Variants in HYDIN observed in about 807,000 individuals in gnomAD.
The protein encoded by HYDIN is axonemal central pair apparatus protein HYDIN.
In HYDIN, 132 loss-of-function variants were observed where a neutral mutation model predicts 403.9. The observed-to-expected ratio is 0.33, with a 90% CI of 0.28 to 0.38. HYDIN has a LOEUF of 0.38. HYDIN is among the 10% of genes least tolerant of loss of function. The probability of loss-of-function intolerance (pLI) is 1.00; values close to 1 mark genes in which losing one functional copy is unlikely to be tolerated. For missense variants in HYDIN, 2,827 were observed against 5,009.5 expected, an observed-to-expected ratio of 0.56 and a Z score of 13.15; for synonymous variants, 1,202 against 1,891.7, an observed-to-expected ratio of 0.64 and a Z score of 9.46.
At chr16:71,190,120 G>A (rs887843775) in intron 1 of HYDIN, among the ~76,000 whole-genome samples, 5 of 152,098 alleles carry the variant, frequency 3.3e-5, no homozygotes, top group Admixed American at 6.5e-5. Context: ...CAATGACAGC[G>A]CAGAGACCTG....
At chr16:71,011,611 G>A (rs1461780916) in intron 23 of HYDIN, among the ~76,000 whole-genome samples, 3 of 151,924 alleles carry the variant, frequency 2.0e-5, no homozygotes, top group Non-Finnish European at 2.9e-5. Flanking sequence ...AATGGTGCAC[G>A]CCTGTAGTCC....
intron 11 of HYDIN, among the ~76,000 whole-genome samples, chr16:71,088,860 AAAGT>A (rs1241911542): frequency 3.3e-5 from 2 of 61,252 alleles, no homozygotes. Context: ...TAACCAAGGG[AAAGT>A]AAGTATTTCT....
intron 73 of HYDIN, among the ~76,000 whole-genome samples, chr16:70,854,290 A>C (rs2038872181): frequency 1.3e-5 from 2 of 149,102 alleles, no homozygotes; most frequent in Admixed American, 1.3e-4. Context: ...GCTGGAGTGC[A>C]GTGGTGCAAT....
chr16:70,952,681 CA>C (rs1271014429), intron 40 of HYDIN, 46 bp from the exon 41 acceptor site: 2 of 1,255,488 alleles, frequency 1.6e-6, no homozygotes, highest in Non-Finnish European at 2.1e-6. Flanking sequence ...CTTAGAATCA[CA>C]AAAAATGACA....
chr16:71,128,599 T>G (rs2084570105), intron 9 of HYDIN, among the ~76,000 whole-genome samples: 2 of 151,518 alleles, frequency 1.3e-5, no homozygotes, highest in South Asian at 4.2e-4. Flanking sequence ...GTTTGTTTTT[T>G]GTTTTTTGTT....
chr16:70,822,816 T>C (rs2143474988), intron 83 of HYDIN, among the ~76,000 whole-genome samples: 1 of 151,798 alleles, frequency 6.6e-6, no homozygotes, highest in East Asian at 1.9e-4. Context: ...AAATAAGTAA[T>C]TTATAATTCA....
intron 18 of HYDIN, among the ~76,000 whole-genome samples, chr16:71,052,856 G>C (rs1038279447): frequency 1.4e-5 from 2 of 145,896 alleles, no homozygotes; most frequent in Admixed American, 7.0e-5. Context: ...GAAAAAAAAA[G>C]ACAGTAAGAA....
At position 70,833,029 on chromosome 16, in the gene HYDIN, G is replaced by A. The variant is rs768122625; in HGVS notation, c.13718C>T (p.Ser4573Phe). 1.9e-6 allele frequency: 3 copies of A among 1,613,562 alleles called. No homozygotes were observed. In the African/African-American group the frequency reaches 4.0e-5, roughly 22 times the overall value. Residue 4573 changes from serine to phenylalanine, a missense_variant, in exon 80 of 86, where the codon TCC becomes TTC. Ser to Phe is a radical substitution (Grantham distance 155). Transcript: ENST00000393567. ...WDIKKFEPHF[S>F]ISPEEGYITS... The stretch of plus-strand genomic sequence containing the variant: ...AATATAGCCTTCTTCTGGGCTAATG[G>A]AGAAATGAGGCTCAAATTTTTTGAT...
intron 5 of HYDIN, among the ~76,000 whole-genome samples, chr16:71,172,049 C>G (rs755849665): frequency 6.6e-6 from 1 of 152,140 alleles, no homozygotes; most frequent in African/African-American, 2.4e-5. Flanking sequence ...TTTTATGATA[C>G]TGACATTTAA....
At chr16:71,189,034 T>C (rs778064272) in intron 1 of HYDIN, among the ~76,000 whole-genome samples, 5 of 152,210 alleles carry the variant, frequency 3.3e-5, no homozygotes, top group Non-Finnish European at 5.9e-5. Context: ...TAAAAATTCA[T>C]GAAAGGAAGA....
At chr16:70,896,128 C>T (rs765816943) in intron 53 of HYDIN, 48 bp from the exon 54 acceptor site, 16 of 1,605,286 alleles carry the variant, frequency 1.0e-5, no homozygotes, top group Non-Finnish European at 1.2e-5. Flanking sequence ...CCTATAGGTG[C>T]TTGGAGCCTG....
intron 41 of HYDIN, among the ~76,000 whole-genome samples, chr16:70,944,271 G>A (rs2077779299): frequency 6.6e-6 from 1 of 152,204 alleles, no homozygotes. Flanking sequence ...CAATGGCGCT[G>A]CCCCCAGGCA....
At position 70,850,592 on chromosome 16, in the gene HYDIN, G is replaced by A. The variant is rs1208504575; in HGVS notation, c.12507C>T (p.Cys4169=). 1.9e-6 allele frequency: 3 copies of A among 1,613,860 alleles called. No homozygotes were observed. The highest frequency in any genetic ancestry group is 2.5e-6 in the Non-Finnish European group (3 of 1,179,956). ...CAGGGTGGACTTTCTTTTCCACATT[G>A]CAGATCAAATTAAAGTTCACATCTC... is the stretch of plus-strand genomic sequence containing the variant. ...QEGDVNFNLI[C]NVEKKVHPVT... is the part of the protein sequence containing the mutation. Residue 4169 remains cysteine, a synonymous_variant, in exon 74 of 86, where the codon TGC becomes TGT. Transcript: ENST00000393567.
At chr16:70,932,399 A>T (rs1567855570) in intron 45 of HYDIN, among the ~76,000 whole-genome samples, 1 of 152,074 alleles carries the variant, frequency 6.6e-6, no homozygotes, top group African/African-American at 2.4e-5. Flanking sequence ...ACCCACACAT[A>T]AAACAAATAT....
At chr16:70,899,229 T>G (rs920411471) in intron 53 of HYDIN, among the ~76,000 whole-genome samples, 3 of 152,028 alleles carry the variant, frequency 2.0e-5, no homozygotes, top group African/African-American at 7.3e-5. Context: ...TCCTGGAGCC[T>G]GTGAATATGA....
chr16:70,992,076 A>C lies in HYDIN; in HGVS notation c.3779T>G (p.Phe1260Cys), dbSNP rs1298006400. 3 of 1,613,884 alleles carry C rather than the reference A, an allele frequency of 1.9e-6. No individual in the cohort carries two copies. The highest frequency in any genetic ancestry group is 3.3e-5 in the Admixed American group (2 of 59,972). Residue 1260 changes from phenylalanine (F) to cysteine (C), a missense_variant, in exon 24 of 86, where the codon TTT (phenylalanine) becomes TGT (cysteine). Phe to Cys is a radical substitution (Grantham distance 205). Coordinates refer to ENST00000393567, the MANE Select transcript of HYDIN (RefSeq NM_001270974.2). ...ATGTTGGCTTTGCACTTACTTAACA[A>C]AATCATTTAAATCCATCTCGGGGGA... ...VESPEMDLND[F>C]VKTVLVDEDA...
chr16:70,972,758 A>C (rs1275081822), intron 35 of HYDIN, among the ~76,000 whole-genome samples: 1 of 152,244 alleles, frequency 6.6e-6, no homozygotes, highest in Non-Finnish European at 1.5e-5. Context: ...AACACAGTGC[A>C]TATACCCTAT....
At chr16:70,991,924 T>A in intron 24 of HYDIN, 146 bp downstream of exon 24, 1 of 1,386,538 alleles carries the variant, frequency 7.2e-7, no homozygotes, top group East Asian at 2.6e-5. Context: ...AGATGTCTAG[T>A]CTGGGGCCTA....
At chr16:70,883,023 G>A in intron 59 of HYDIN, 128 bp from the exon 60 acceptor site, 1 of 693,766 alleles carries the variant, frequency 1.4e-6, no homozygotes, top group South Asian at 1.7e-5. Flanking sequence ...AGTCATGCAA[G>A]GGGGTGTGAG....
Sources: gnomAD v4.1 joint callset for allele counts (sites outside exome capture counted in the v4.1 genomes callset) on GRCh38, gnomAD v4.1.1 for gene constraint, MANE v1.5 for transcripts, NCBI Gene and HGNC (gene_info 2026-07-23, HGNC 2026-07-21) for gene names.